Variants in GDAP1L1 observed in about 807,000 individuals in gnomAD.
The protein encoded by GDAP1L1 is ganglioside induced differentiation associated protein 1 like 1, also known as ganglioside-induced differentiation-associated protein 1-like 1.
GDAP1L1 carries 21 observed loss-of-function variants against 37.1 expected under a neutral mutation model. The ratio of observed to expected loss-of-function variants is 0.57; its 90% confidence interval spans 0.40 to 0.81. The LOEUF (loss-of-function observed/expected upper bound fraction) is 0.81. GDAP1L1 is among the 40% of genes least tolerant of loss of function. GDAP1L1 has a pLI of 0.00. For missense variants in GDAP1L1, 362 were observed against 491.6 expected (o/e 0.74, Z 2.49); for synonymous variants, 193 against 209.1 (o/e 0.92, Z 0.67).
chr20:44,274,980 C>T (rs2062558172), intron 5 of GDAP1L1, among the ~76,000 whole-genome samples: 2 of 152,180 alleles, frequency 1.3e-5, no homozygotes, highest in African/African-American at 4.8e-5. Context: ...GCAACCTCGA[C>T]CTTCCGGGCT....
At chr20:44,253,965 G>T (rs2073492829) in intron 1 of GDAP1L1, among the ~76,000 whole-genome samples, 1 of 152,242 alleles carries the variant, frequency 6.6e-6, no homozygotes, top group South Asian at 2.1e-4. Flanking sequence ...AAGATGGAAG[G>T]CCAACTGTCT....
At chr20:44,250,604 G>C (rs1040037279) in intron 1 of GDAP1L1, among the ~76,000 whole-genome samples, 2 of 152,130 alleles carry the variant, frequency 1.3e-5, no homozygotes, top group Admixed American at 6.5e-5. Flanking sequence ...TGGGGGAGAG[G>C]GTTGAGGAGA....
At chr20:44,263,146 G>C in intron 3 of GDAP1L1, 84 bp from the exon 4 acceptor site, 1 of 981,048 alleles carries the variant, frequency 1.0e-6, no homozygotes. Context: ...GTTTGGATGG[G>C]GCCTACTTCA....
intron 5 of GDAP1L1, among the ~76,000 whole-genome samples, chr20:44,273,068 G>A (rs762871006): frequency 2.6e-5 from 4 of 152,138 alleles, no homozygotes; most frequent in Non-Finnish European, 5.9e-5. Flanking sequence ...TTTGCATGTG[G>A]AAATAAGTAG....
chr20:44,256,411 T>G (rs1279291852), intron 1 of GDAP1L1, among the ~76,000 whole-genome samples: 1 of 152,168 alleles, frequency 6.6e-6, no homozygotes, highest in Non-Finnish European at 1.5e-5. Flanking sequence ...GGCTAACATC[T>G]GTAATCCCAG....
At chr20:44,257,929 A>T (rs1312795277) in intron 2 of GDAP1L1, among the ~76,000 whole-genome samples, 1 of 151,968 alleles carries the variant, frequency 6.6e-6, no homozygotes, top group Non-Finnish European at 1.5e-5. Context: ...CAGACACCCC[A>T]AAACCCCGCA....
In GDAP1L1 at chr20:44,258,593, C is replaced by CG; in HGVS notation, c.535dup (p.Ala179GlyfsTer20). Reference sequence around the variant, plus strand: ...GACTCCATGATCCCCAAGTACGCCACGGCCGAGATCCGCAGTGAGTGCCAG... The same window carrying CG: ...GACTCCATGATCCCCAAGTACGCCACGGGCCGAGATCCGCAGTGAGTGCCAG... On this transcript the variant is annotated frameshift_variant, in exon 3 of 6. Transcript: ENST00000342560. LOFTEE classifies it high-confidence loss of function. The CG allele has an allele frequency of 6.2e-7, 1 of 1,600,788 alleles. No homozygotes were observed. Among genetic ancestry groups the CG allele is most frequent in the Non-Finnish European group, 8.5e-7 (1 of 1,174,432 alleles).
At position 44,280,136 on chromosome 20, in the gene GDAP1L1, C is replaced by CT; in HGVS notation, c.*837dup. On this transcript the variant is annotated 3_prime_UTR_variant, in exon 6 of 6. Transcript: ENST00000342560. ...AGGTGGACAAACCTAGGTCCCCCTC[C>CT]TAGCCTCTGTCCAAGCCATCTCCTT... The CT allele has an allele frequency of 7.2e-6, 2 of 277,656 alleles. No individual in the cohort carries two copies. The highest frequency in any genetic ancestry group is 9.5e-5 in the Admixed American group (2 of 21,002). The allele number at this position is 277,656 out of a possible 1,614,324, so 17.2% of individuals were successfully genotyped here.
At chr20:44,257,101 G>A in intron 1 of GDAP1L1, 52 bp from the exon 2 acceptor site, 2 of 1,500,282 alleles carry the variant, frequency 1.3e-6, no homozygotes, top group African/African-American at 1.4e-5. Context: ...CACCTGGGCA[G>A]AGTGTCCCCT....
In GDAP1L1 at chr20:44,257,304, A is replaced by G; in HGVS notation, c.332A>G (p.Tyr111Cys). 6.2e-7 allele frequency: 1 copy of G among 1,614,040 alleles called. No individual in the cohort carries two copies. Among genetic ancestry groups the G allele is most frequent in the Non-Finnish European group, 8.5e-7 (1 of 1,179,976 alleles). The stretch of plus-strand genomic sequence containing the variant: ...CACCGCGACAACATCATCAGTGACT[A>G]TGACCAGATCATTGACTATGTGGAG... ...IIHRDNIISDYDQIIDYVERT... is the reference protein window; with the variant it reads ...IIHRDNIISDCDQIIDYVERT... The change falls in exon 2 of 6, where the codon TAT becomes TGT. Residue 111 changes from tyrosine to cysteine, a missense_variant. This residue lies in a region of GDAP1L1 where 277 missense variants were observed against 337.1 expected (regional missense o/e 0.82). Transcript: ENST00000342560.
intron 3 of GDAP1L1, 119 bp from the exon 4 acceptor site, chr20:44,263,111 C>A: frequency 1.3e-6 from 1 of 767,556 alleles, no homozygotes; most frequent in Non-Finnish European, 2.3e-6. Flanking sequence ...TGTTGGCTGT[C>A]GACAGTATTA....
At chr20:44,253,864 T>C (rs1368361367) in intron 1 of GDAP1L1, among the ~76,000 whole-genome samples, 1 of 152,204 alleles carries the variant, frequency 6.6e-6, no homozygotes, top group African/African-American at 2.4e-5. Flanking sequence ...CCTCTAAAGA[T>C]ATAGTCCCCT....
chr20:44,268,829 A>G (rs1309141253), intron 5 of GDAP1L1, among the ~76,000 whole-genome samples: 1 of 152,224 alleles, frequency 6.6e-6, no homozygotes, highest in African/African-American at 2.4e-5. Context: ...AGGTGAGATC[A>G]CGGGCCTCAG....
chr20:44,261,372 G>A (rs1202315573), intron 3 of GDAP1L1, among the ~76,000 whole-genome samples: 1 of 152,180 alleles, frequency 6.6e-6, no homozygotes, highest in Non-Finnish European at 1.5e-5. Context: ...GAATGATCTG[G>A]GAGTGCGTTT....
At chr20:44,247,800 G>T (rs569953310) in intron 1 of GDAP1L1, among the ~76,000 whole-genome samples, 33 of 148,792 alleles carry the variant, frequency 2.2e-4, no homozygotes, top group Non-Finnish European at 3.6e-4. Context: ...GGGTTGGGGG[G>T]GCTGAGAAAA....
At chr20:44,264,641 C>A (rs754082849) in intron 5 of GDAP1L1, 82 bp downstream of exon 5, 2 of 1,537,614 alleles carry the variant, frequency 1.3e-6, no homozygotes, top group Non-Finnish European at 1.8e-6. Flanking sequence ...CTCTTTTTTC[C>A]GCAAAAGTCT....
chr20:44,274,217 C>A (rs1163477100), intron 5 of GDAP1L1, among the ~76,000 whole-genome samples: 6 of 152,154 alleles, frequency 3.9e-5, no homozygotes, highest in Non-Finnish European at 8.8e-5. Context: ...CCACTCTCAT[C>A]CCTGTAAGAA....
intron 1 of GDAP1L1, among the ~76,000 whole-genome samples, chr20:44,248,444 T>G (rs1241959097): frequency 1.3e-5 from 2 of 152,274 alleles, no homozygotes; most frequent in African/African-American, 2.4e-5. Context: ...GATCCTTTTG[T>G]TCCATTCGTT....
At chr20:44,248,911 A>G (rs553044611) in intron 1 of GDAP1L1, among the ~76,000 whole-genome samples, 1 of 152,304 alleles carries the variant, frequency 6.6e-6, no homozygotes, top group South Asian at 2.1e-4. Context: ...TAATCTGTAA[A>G]ATGGGGTGAA....
Sources: gnomAD v4.1 joint callset for allele counts (sites outside exome capture counted in the v4.1 genomes callset) on GRCh38, gnomAD v4.1.1 for gene constraint, gnomAD v4.1.1 regional missense constraint, MANE v1.5 for transcripts, NCBI Gene and HGNC (gene_info 2026-07-23, HGNC 2026-07-21) for gene names.